Variants in TMED10 observed in about 807,000 individuals in gnomAD.
TMED10 encodes the protein transmembrane emp24 domain-containing protein 10.
Under a neutral mutation model 23.1 loss-of-function variants are expected in TMED10, and 7 were observed. That is an observed-to-expected ratio of 0.30 (90% CI 0.17 to 0.57). TMED10 has a LOEUF of 0.57. TMED10 is among the 20% of genes least tolerant of loss of function. TMED10 has a pLI of 0.91. For missense variants in TMED10, 162 were observed against 274.8 expected (o/e 0.59, Z 2.90); for synonymous variants, 113 against 106.9 (o/e 1.06, Z -0.35).
intron 1 of TMED10, among the ~76,000 whole-genome samples, chr14:75,166,368 T>A (rs1343614800): frequency 2.0e-5 from 3 of 152,186 alleles, no homozygotes; most frequent in Middle Eastern, 6.3e-3. Context: ...AGGCTCTATA[T>A]GCATATGGGG....
chr14:75,176,333 C>T (rs1175256233), intron 1 of TMED10, 22 bp downstream of exon 1: 1 of 1,613,046 alleles, frequency 6.2e-7, no homozygotes, highest in Non-Finnish European at 8.5e-7. Context: ...CCCTCCCGGC[C>T]CCACGTCGCC....
chr14:75,152,990 C>T (rs1566672381), intron 1 of TMED10, among the ~76,000 whole-genome samples: 1 of 152,188 alleles, frequency 6.6e-6, no homozygotes, highest in African/African-American at 2.4e-5. Flanking sequence ...GGCGCAGTGG[C>T]ATATGCCTGT....
Position 75,147,732 on chromosome 14 carries a change from C to G in TMED10, c.343G>C (p.Gly115Arg). Residue 115 changes from glycine to arginine, a missense_variant, in exon 3 of 5, where the codon GGG (glycine) becomes CGG (arginine). Physicochemically the swap from Gly to Arg is moderately radical, Grantham distance 125 (BLOSUM62 -2). Around this residue, in one of 2 missense-constraint regions of TMED10, gnomAD observed 126 missense variants for 239.5 expected, o/e 0.53. Transcript: ENST00000303575. ...FEVCFESKGT[G>R]RIPDQLVILD... ...ATCACGAGTTGGTCAGGTATCCGCC[C>G]TGTTCCTGAGAAAGAAATCAAAGGA... The G allele has an allele frequency of 4.3e-6, 7 of 1,614,112 alleles. No individual in the cohort carries two copies. Among genetic ancestry groups the G allele is most frequent in the Non-Finnish European group, 5.9e-6 (7 of 1,180,018 alleles).
chr14:75,147,792 T>TAACC, intron 2 of TMED10, 55 bp from the exon 3 acceptor site: 2 of 1,506,924 alleles, frequency 1.3e-6, no homozygotes, highest in Non-Finnish European at 1.8e-6. Flanking sequence ...TCTGGGAAAT[T>TAACC]ACCCACCCAC....
chr14:75,174,412 A>G (rs752834131), intron 1 of TMED10, among the ~76,000 whole-genome samples: 4 of 152,144 alleles, frequency 2.6e-5, no homozygotes, highest in East Asian at 1.9e-4. Context: ...GCTTTAAAAT[A>G]TAAGAACAAA....
intron 1 of TMED10, among the ~76,000 whole-genome samples, chr14:75,173,243 C>A (rs576624677): frequency 3.9e-5 from 6 of 152,080 alleles, no homozygotes; most frequent in Non-Finnish European, 1.5e-5. Context: ...GAAAACTAGC[C>A]GGATATGGTG....
chr14:75,137,514 TAAA>T (rs1214366100), intron 3 of TMED10, among the ~76,000 whole-genome samples: 1 of 135,426 alleles, frequency 7.4e-6, no homozygotes, highest in East Asian at 2.3e-4. Context: ...CTACTAAAAA[TAAA>T]AAAAAAAAAT....
intron 3 of TMED10, among the ~76,000 whole-genome samples, chr14:75,143,906 C>G (rs527491752): frequency 6.8e-6 from 1 of 148,048 alleles, no homozygotes; most frequent in African/African-American, 2.5e-5. Flanking sequence ...TGCACTACAG[C>G]CTGAATAACT....
Position 75,134,749 on chromosome 14 carries a change from C to CA in TMED10, c.*135_*136insT. ...AGGTGGTACCCCATGTCCTCCCACA[C>CA]CAAAAGAGATCAGTTCTGGCAAGAA... is the stretch of plus-strand genomic sequence containing the variant. On this transcript the variant is annotated 3_prime_UTR_variant, in exon 5 of 5. Transcript: ENST00000303575. 1 of 1,217,376 alleles carries CA rather than the reference C, an allele frequency of 8.2e-7. No individual in the cohort carries two copies. 75.4% of individuals were successfully genotyped at this position (1,217,376 alleles called of 1,614,324 possible). A position where few individuals can be genotyped will look rare whatever the true frequency, so the allele number is the denominator to read the frequency against.
At chr14:75,157,990 A>G (rs543691612) in intron 1 of TMED10, among the ~76,000 whole-genome samples, 2 of 152,286 alleles carry the variant, frequency 1.3e-5, no homozygotes, top group Admixed American at 6.5e-5. Context: ...TGGATTTGAG[A>G]AATGTCCAAA....
intron 3 of TMED10, among the ~76,000 whole-genome samples, chr14:75,146,688 C>T (rs942935125): frequency 9.9e-5 from 15 of 152,266 alleles, no homozygotes; most frequent in Admixed American, 6.5e-4. Context: ...ATCTCCCTGT[C>T]ACCCAAATAA....
chr14:75,137,708 C>CT lies in TMED10; in HGVS notation c.412-1823dup, dbSNP rs368437388. Among the ~76,000 whole-genome samples the CT allele has an allele frequency of 1.5e-3, 200 of 131,200 alleles. 1 individual carries two copies. Among genetic ancestry groups the CT allele is most frequent in the South Asian group, 0.015 (62 of 4,116 alleles). 86.1% of individuals were successfully genotyped at this position (131,200 alleles called of 152,430 possible). ...AAAAAAAAATTCTGTTTCTTTCTTTCTTTTTTTTTTTTTTTTAAGGATGGA... is the reference window on the plus strand; with the variant it reads ...AAAAAAAAATTCTGTTTCTTTCTTTCTTTTTTTTTTTTTTTTTAAGGATGGA... On this transcript the variant is annotated intron_variant, in intron 3 of 4. Transcript: ENST00000303575.
Position 75,133,885 on chromosome 14 carries a change from C to G in TMED10, c.*1000G>C, listed in dbSNP as rs1024206554. ...ATGTAAGAAATCTGTACTTATACCC[C>G]CTAAATATATAAAACATTTTTAAAA... is the stretch of plus-strand genomic sequence containing the variant. On this transcript the variant is annotated 3_prime_UTR_variant, in exon 5 of 5. Coordinates refer to ENST00000303575, the MANE Select transcript of TMED10 (RefSeq NM_006827.6). The G allele has an allele frequency of 9.2e-6, 3 of 324,622 alleles. No individual in the cohort carries two copies. The highest frequency in any genetic ancestry group is 1.8e-5 in the Non-Finnish European group (3 of 171,360). 20.1% of individuals were successfully genotyped at this position (324,622 alleles called of 1,614,324 possible). A position where few individuals can be genotyped will look rare whatever the true frequency, so the allele number is the denominator to read the frequency against.
intron 1 of TMED10, among the ~76,000 whole-genome samples, chr14:75,162,490 C>A (rs1490164122): frequency 6.6e-6 from 1 of 152,016 alleles, no homozygotes; most frequent in Non-Finnish European, 1.5e-5. Flanking sequence ...ACAAATCTTC[C>A]GTGAAGATTC....
chr14:75,143,390 G>C (rs1895846479), intron 3 of TMED10, among the ~76,000 whole-genome samples: 2 of 152,212 alleles, frequency 1.3e-5, no homozygotes, highest in Non-Finnish European at 2.9e-5. Context: ...AGAGTTATAT[G>C]TAACTGTACC....
At chr14:75,160,711 A>G (rs747493670) in intron 1 of TMED10, among the ~76,000 whole-genome samples, 7 of 152,210 alleles carry the variant, frequency 4.6e-5, no homozygotes, top group Non-Finnish European at 1.0e-4. Context: ...TTGTTTCTAG[A>G]TATCACCTTC....
rs1163920958 is a variant in TMED10, at chr14:75,176,609, C to T, written c.-30G>A. 1.1e-5 allele frequency: 18 copies of T among 1,611,688 alleles called. No homozygotes were observed. Among genetic ancestry groups the T allele is most frequent in the Non-Finnish European group, 1.4e-5 (17 of 1,178,658 alleles). On this transcript the variant is annotated 5_prime_UTR_variant, in exon 1 of 5. Transcript: ENST00000303575. ...CTGGAGACTCGTTCACCACCGAAGG[C>T]CTCAACCGCGCCGGAACCGGGGGGA...
In TMED10 at chr14:75,158,849, G is replaced by A. The variant is rs186851686; in HGVS notation, c.226-6706C>T. ...TGAGGCAGGAGAATCACTTGAACCC[G>A]GGAGATGGAGGTTGTGGTGAGTCGC... On this transcript the variant is annotated intron_variant, in intron 1 of 4. Transcript: ENST00000303575. 1.1e-3 allele frequency among the ~76,000 whole-genome samples: 166 copies of A among 152,178 alleles called. 1 individual carries two copies. The highest frequency in any genetic ancestry group is 3.7e-3 in the African/African-American group (153 of 41,556).
rs199588145 is a variant in TMED10, at chr14:75,176,412, G to T, written c.168C>A (p.Gly56=). The T allele has an allele frequency of 2.6e-5, 42 of 1,614,232 alleles. No individual in the cohort carries two copies. Among genetic ancestry groups the T allele is most frequent in the African/African-American group, 2.3e-4 (17 of 75,054 alleles). The change falls in exon 1 of 5, where the codon GGC becomes GGA. Residue 56 remains glycine, a synonymous_variant. Transcript: ENST00000303575. ...CAGACTGGTCGGAGATCTCGTACGC[G>T]CCAGTCACTAGCAGGTCCTTGTGAA... ...EEIHKDLLVT[G]AYEISDQSGG...
Sources: gnomAD v4.1 joint callset for allele counts (sites outside exome capture counted in the v4.1 genomes callset) on GRCh38, gnomAD v4.1.1 for gene constraint, gnomAD v4.1.1 regional missense constraint, MANE v1.5 for transcripts, NCBI Gene and HGNC (gene_info 2026-07-23, HGNC 2026-07-21) for gene names.